Variants in SHROOM3 observed in about 807,000 individuals in gnomAD.
SHROOM3 encodes protein Shroom3.
Under a neutral mutation model 138.6 loss-of-function variants are expected in SHROOM3, and 47 were observed. The ratio of observed to expected loss-of-function variants is 0.34; its 90% CI spans 0.27 to 0.43. The LOEUF is 0.43. Among genes scored for constraint, SHROOM3 ranks in the 20% least tolerant of loss-of-function variants. SHROOM3 has a pLI of 1.00. For synonymous variants in SHROOM3, 1,062 were observed against 1,063.3 expected (o/e 1.00, Z 0.02); for missense variants, 2,491 against 2,596.5 (o/e 0.96, Z 0.88).
In SHROOM3 at chr4:76,740,984, G is replaced by A; in HGVS notation, c.2811G>A (p.Gly937=). 6.7e-7 allele frequency: 1 copy of A among 1,493,494 alleles called. No individual in the cohort carries two copies. The highest frequency in any genetic ancestry group is 8.9e-7 in the Non-Finnish European group (1 of 1,125,746). The allele number at this position is 1,493,494 out of a possible 1,614,324, so 92.5% of individuals were successfully genotyped here. A position where few individuals can be genotyped will look rare whatever the true frequency, so the allele number is the denominator to read the frequency against. ...SIKDAQSRVL[G]ATSFRRRDLE... ...AGGACGCACAGTCCCGTGTCTTGGG[G>A]GCCACCTCCTTTCGACGTCGAGACC... Residue 937 remains glycine (G), a synonymous_variant, in exon 5 of 11, where the codon GGG becomes GGA. Transcript: ENST00000296043. This position sits in a 1 kb window ranked among gnomAD's most constrained non-coding sequence, Gnocchi z 4.0.
intron 2 of SHROOM3, among the ~76,000 whole-genome samples, chr4:76,693,334 CATTATT>C (rs1719610792): frequency 7.4e-6 from 1 of 134,402 alleles, no homozygotes; most frequent in African/African-American, 2.8e-5. Flanking sequence ...GTATCCTTAT[CATTATT>C]ACTATGCATA....
intron 2 of SHROOM3, among the ~76,000 whole-genome samples, chr4:76,636,918 T>A (rs911005579): frequency 3.3e-5 from 5 of 152,256 alleles, no homozygotes; most frequent in African/African-American, 9.6e-5. Flanking sequence ...ATAGTTCACA[T>A]TTATTTCAAT....
At chr4:76,569,420 T>C (rs1461651478) in intron 2 of SHROOM3, among the ~76,000 whole-genome samples, 1 of 152,060 alleles carries the variant, frequency 6.6e-6, no homozygotes, top group Non-Finnish European at 1.5e-5. Context: ...CACCCAGAAA[T>C]GAAAGGACTT....
chr4:76,565,244 T>C (rs1357885961), intron 2 of SHROOM3, among the ~76,000 whole-genome samples: 2 of 150,336 alleles, frequency 1.3e-5, no homozygotes, highest in East Asian at 2.0e-4. Context: ...TGAGATCAAA[T>C]AAAAGTTATG....
chr4:76,439,667 A>G (rs1418961383), intron 1 of SHROOM3, among the ~76,000 whole-genome samples: 1 of 152,198 alleles, frequency 6.6e-6, no homozygotes, highest in Non-Finnish European at 1.5e-5. Flanking sequence ...TTGTAGGGGA[A>G]GGGAAGGGAT....
At position 76,524,132 on chromosome 4, in the gene SHROOM3, G is replaced by T. The variant is rs574045892; in HGVS notation, c.169-31477G>T. The stretch of plus-strand genomic sequence containing the variant: ...AGTTAGCAGGAGGTAGAGGGTCCGG[G>T]CAAATGTTTGTTTTTATAAGAAGAG... On this transcript the variant is annotated intron_variant, in intron 1 of 10. Coordinates refer to ENST00000296043, the MANE Select transcript of SHROOM3 (RefSeq NM_020859.4). Among the ~76,000 whole-genome samples the T allele has an allele frequency of 1.3e-3, 200 of 152,282 alleles. 1 individual carries two copies. The highest frequency in any genetic ancestry group is 2.8e-4 in the Non-Finnish European group (19 of 68,024).
At chr4:76,727,860 C>T (rs1451518470) in intron 3 of SHROOM3, among the ~76,000 whole-genome samples, 1 of 116,678 alleles carries the variant, frequency 8.6e-6, no homozygotes, top group East Asian at 2.3e-4. Flanking sequence ...TGCACTCCAG[C>T]CTGGGCGATA....
intron 1 of SHROOM3, among the ~76,000 whole-genome samples, chr4:76,526,981 A>G (rs1732703283): frequency 6.6e-6 from 1 of 152,178 alleles, no homozygotes; most frequent in Non-Finnish European, 1.5e-5. Context: ...TCTTAGTTTT[A>G]TATAAGAGCT....
intron 1 of SHROOM3, among the ~76,000 whole-genome samples, chr4:76,455,657 T>C (rs995324131): frequency 2.6e-5 from 4 of 152,050 alleles, no homozygotes; most frequent in Non-Finnish European, 4.4e-5. Flanking sequence ...AAAGAATATA[T>C]AGAAAAAGAG....
chr4:76,696,169 CA>C (rs2110110480), intron 2 of SHROOM3, among the ~76,000 whole-genome samples: 1 of 152,318 alleles, frequency 6.6e-6, no homozygotes, highest in East Asian at 1.9e-4. Flanking sequence ...GGCCTTGTGC[CA>C]GGCTGCTTTG....
chr4:76,622,080 C>G (rs1735019241), intron 2 of SHROOM3, among the ~76,000 whole-genome samples: 2 of 152,084 alleles, frequency 1.3e-5, no homozygotes, highest in South Asian at 4.2e-4. Flanking sequence ...ATCCACCCAC[C>G]TCGGCCTCCC....
intron 2 of SHROOM3, among the ~76,000 whole-genome samples, chr4:76,592,314 C>T (rs1734291649): frequency 6.6e-6 from 1 of 152,206 alleles, no homozygotes; most frequent in Non-Finnish European, 1.5e-5. Flanking sequence ...CCTAGGAGAA[C>T]TTGCTTCACA....
chr4:76,458,280 A>AT (rs548394851), intron 1 of SHROOM3, among the ~76,000 whole-genome samples: 8 of 152,286 alleles, frequency 5.3e-5, no homozygotes, highest in Non-Finnish European at 8.8e-5. Flanking sequence ...TTAAATATTT[A>AT]TTTTTGACAA....
intron 2 of SHROOM3, among the ~76,000 whole-genome samples, chr4:76,709,537 G>C (rs1720164115): frequency 6.6e-6 from 1 of 151,222 alleles, no homozygotes; most frequent in South Asian, 2.1e-4. Flanking sequence ...TGGAGGAAGA[G>C]AGTTATGGGA....
chr4:76,662,891 G>A (rs1358163181), intron 2 of SHROOM3, among the ~76,000 whole-genome samples: 3 of 151,792 alleles, frequency 2.0e-5, no homozygotes, highest in Non-Finnish European at 2.9e-5. Context: ...GAGGGAGAGG[G>A]AGAGAGAGAG....
intron 1 of SHROOM3, among the ~76,000 whole-genome samples, chr4:76,450,793 AG>A (rs1376810108): frequency 6.6e-6 from 1 of 152,240 alleles, no homozygotes; most frequent in Non-Finnish European, 1.5e-5. Context: ...GTGTTCTGAA[AG>A]TAGATAGTTG....
chr4:76,744,417 C>T (rs908779190), intron 5 of SHROOM3, among the ~76,000 whole-genome samples: 1 of 152,184 alleles, frequency 6.6e-6, no homozygotes, highest in Admixed American at 6.5e-5. Flanking sequence ...AGCTTCCTCC[C>T]TCTCCTGGTC....
At chr4:76,605,337 G>T (rs964711510) in intron 2 of SHROOM3, among the ~76,000 whole-genome samples, 3 of 152,058 alleles carry the variant, frequency 2.0e-5, no homozygotes, top group Non-Finnish European at 4.4e-5. Context: ...AGGATTTCGA[G>T]GCACCATTTT....
At chr4:76,457,374 C>T (rs976695175) in intron 1 of SHROOM3, among the ~76,000 whole-genome samples, 13 of 152,146 alleles carry the variant, frequency 8.5e-5, no homozygotes, top group Non-Finnish European at 1.8e-4. Flanking sequence ...TAAGATGCCT[C>T]ATTCCCCCTT....
Sources: gnomAD v4.1 joint callset for allele counts (sites outside exome capture counted in the v4.1 genomes callset) on GRCh38, gnomAD v4.1.1 for gene constraint, Gnocchi (gnomAD v3.1) non-coding constraint, MANE v1.5 for transcripts, NCBI Gene and HGNC (gene_info 2026-07-23, HGNC 2026-07-21) for gene names.